RBFOX1: variants seen among roughly 807,000 people sequenced by gnomAD.
RBFOX1 encodes the protein RNA binding protein fox-1 homolog 1.
A neutral mutation model predicts 57.7 loss-of-function variants in RBFOX1; 8 were observed. That is an observed-to-expected ratio of 0.14 (90% CI 0.08 to 0.25). The LOEUF is 0.25. Among genes scored for constraint, RBFOX1 ranks in the 10% least tolerant of loss-of-function variants. The probability of loss-of-function intolerance (pLI) is 1.00; values close to 1 mark genes in which losing one functional copy is unlikely to be tolerated. For synonymous variants in RBFOX1, 326 were observed against 222.4 expected (o/e 1.47, Z -4.15); for missense variants, 611 against 548.5 (o/e 1.11, Z -1.14).
In RBFOX1 at chr16:7,153,204, TA is replaced by T. The variant is rs1303647309; in HGVS notation, c.27+101109del. ...CTGGTGGACATAATCATTTTTTTTT[TA>T]AATTCTGCAATAACTCAACTTTGAG... On this transcript the variant is annotated intron_variant, in intron 4 of 15. Transcript: ENST00000550418. Among the ~76,000 whole-genome samples the T allele has an allele frequency of 2.7e-5, 4 of 147,722 alleles. No homozygotes were observed. In the East Asian group the frequency reaches 5.9e-4, roughly 22 times the overall value.
intron 1 of RBFOX1, among the ~76,000 whole-genome samples, chr16:6,194,312 C>T (rs377605161): frequency 1.3e-5 from 2 of 152,274 alleles, no homozygotes; most frequent in East Asian, 1.9e-4. Context: ...GCTGCTGCAA[C>T]GAGCTTCTAA....
At chr16:5,452,812 T>C (rs1193301486) in intron 1 of RBFOX1, among the ~76,000 whole-genome samples, 1 of 151,976 alleles carries the variant, frequency 6.6e-6, no homozygotes, top group Non-Finnish European at 1.5e-5. Flanking sequence ...CCTGGCTAAT[T>C]TTTGTATTTT....
chr16:6,843,823 C>G (rs560539594), intron 3 of RBFOX1, among the ~76,000 whole-genome samples: 2 of 152,150 alleles, frequency 1.3e-5, no homozygotes, highest in Non-Finnish European at 2.9e-5. Context: ...CAAGATTTGA[C>G]CCTTAGGTTG....
intron 3 of RBFOX1, among the ~76,000 whole-genome samples, chr16:5,757,550 G>T (rs1435109821): frequency 6.6e-6 from 1 of 152,096 alleles, no homozygotes; most frequent in Non-Finnish European, 1.5e-5. Flanking sequence ...CTTTTAATAG[G>T]CCAGCCTAGA....
At chr16:7,529,782 G>A (rs1054058562) in intron 5 of RBFOX1, among the ~76,000 whole-genome samples, 1 of 152,090 alleles carries the variant, frequency 6.6e-6, no homozygotes, top group Non-Finnish European at 1.5e-5. Flanking sequence ...GCTGAGACGG[G>A]CAGATCACTT....
chr16:6,815,857 C>G (rs371469991), intron 3 of RBFOX1, among the ~76,000 whole-genome samples: 1 of 152,224 alleles, frequency 6.6e-6, no homozygotes, highest in South Asian at 2.1e-4. Context: ...TTTGTCAACA[C>G]TCAGTCTGTT....
intron 4 of RBFOX1, among the ~76,000 whole-genome samples, chr16:7,453,693 G>A (rs1229921547): frequency 2.0e-5 from 3 of 152,148 alleles, no homozygotes; most frequent in Admixed American, 1.3e-4. Context: ...TACTGAGGGT[G>A]CCTGAGTGTA....
intron 1 of RBFOX1, among the ~76,000 whole-genome samples, chr16:6,264,651 C>T (rs2097722176): frequency 6.6e-6 from 1 of 152,136 alleles, no homozygotes; most frequent in African/African-American, 2.4e-5. Context: ...GTGCTCTTCC[C>T]CTTCCTTGTC....
At chr16:5,954,467 T>C (rs2152280212) in intron 4 of RBFOX1, among the ~76,000 whole-genome samples, 1 of 151,132 alleles carries the variant, frequency 6.6e-6, no homozygotes, top group South Asian at 2.1e-4. Flanking sequence ...AACAGGGAGA[T>C]TTTTCATCCT....
chr16:7,371,272 C>T (rs939164167), intron 4 of RBFOX1, among the ~76,000 whole-genome samples: 2 of 152,272 alleles, frequency 1.3e-5, no homozygotes, highest in Admixed American at 1.3e-4. Context: ...ACAGTCCTAC[C>T]ACTGAGATTA....
At chr16:5,770,924 A>G (rs1463022809) in intron 3 of RBFOX1, among the ~76,000 whole-genome samples, 3 of 152,148 alleles carry the variant, frequency 2.0e-5, no homozygotes, top group Admixed American at 6.6e-5. Context: ...GACAGGCACA[A>G]CCAGTTATTC....
chr16:5,948,882 A>G (rs2059459448), intron 4 of RBFOX1, among the ~76,000 whole-genome samples: 2 of 152,206 alleles, frequency 1.3e-5, no homozygotes, highest in South Asian at 2.1e-4. Context: ...GGGCACTGCC[A>G]TTTTATTCAC....
chr16:6,707,740 G>C (rs1184675263), intron 3 of RBFOX1, among the ~76,000 whole-genome samples: 1 of 152,082 alleles, frequency 6.6e-6, no homozygotes. Flanking sequence ...TTTAATTCCA[G>C]ATTCTGCAAC....
At chr16:7,221,543 T>A (rs1268200252) in intron 4 of RBFOX1, among the ~76,000 whole-genome samples, 2 of 152,022 alleles carry the variant, frequency 1.3e-5, no homozygotes, top group African/African-American at 4.8e-5. Context: ...ATTTTTGTAT[T>A]TTTAGTAGAG....
chr16:5,341,859 C>T (rs907529486), intron 1 of RBFOX1, among the ~76,000 whole-genome samples: 1 of 152,102 alleles, frequency 6.6e-6, no homozygotes. Context: ...GTTAGGCATC[C>T]CAGCAGAGCT....
At chr16:5,677,550 A>G (rs563046353) in intron 3 of RBFOX1, among the ~76,000 whole-genome samples, 11 of 152,332 alleles carry the variant, frequency 7.2e-5, no homozygotes, top group African/African-American at 2.2e-4. Context: ...TTTGAAAGAA[A>G]TTCACCGGAC....
Position 7,096,018 on chromosome 16 carries a change from A to G in RBFOX1, c.27+43920A>G, listed in dbSNP as rs1465062108. Among the ~76,000 whole-genome samples the G allele has an allele frequency of 2.4e-5, 3 of 122,854 alleles. No homozygotes were observed. The East Asian group carries it at 9.0e-4, about 37-fold the overall frequency. The allele number at this position is 122,854 out of a possible 152,430, so 80.6% of individuals were successfully genotyped here. On this transcript the variant is annotated intron_variant, in intron 4 of 15. Coordinates refer to ENST00000550418, the MANE Select transcript of RBFOX1 (RefSeq NM_018723.4). Reference sequence around the variant, plus strand: ...ACAGAGTGAGACTCTGTCTCAAAAAAAAAAAAAAAAAGAAAAGAAAAGAAA... The same window carrying G: ...ACAGAGTGAGACTCTGTCTCAAAAAGAAAAAAAAAAAGAAAAGAAAAGAAA...
chr16:7,281,781 C>G (rs1467209831), intron 4 of RBFOX1, among the ~76,000 whole-genome samples: 1 of 152,158 alleles, frequency 6.6e-6, no homozygotes, highest in African/African-American at 2.4e-5. Flanking sequence ...AGGAGACAAT[C>G]TTGACTTCCT....
At position 7,419,948 on chromosome 16, in the gene RBFOX1, T is replaced by TTTA. The variant is rs2098524468; in HGVS notation, c.28-98199_28-98198insTTA. ...TCCTTTTTTTTTTTTTTTTTTTAATTGTTTTGGTTGGAAGAATAAGTATGG... is the reference window on the plus strand; with the variant it reads ...TCCTTTTTTTTTTTTTTTTTTTAATTTTAGTTTTGGTTGGAAGAATAAGTATGG... On this transcript the variant is annotated intron_variant, in intron 4 of 15. Transcript: ENST00000550418. Among the ~76,000 whole-genome samples the TTTA allele has an allele frequency of 7.4e-5, 11 of 148,858 alleles. No individual in the cohort carries two copies. The South Asian group carries it at 2.3e-3, about 31-fold the overall frequency.
Sources: gnomAD v4.1 joint callset for allele counts (sites outside exome capture counted in the v4.1 genomes callset) on GRCh38, gnomAD v4.1.1 for gene constraint, MANE v1.5 for transcripts, NCBI Gene and HGNC (gene_info 2026-07-23, HGNC 2026-07-21) for gene names.